TCEANC2: variants seen among roughly 807,000 people sequenced by gnomAD.
The protein encoded by TCEANC2 is transcription elongation factor A N-terminal and central domain-containing protein 2.
In TCEANC2, 20 loss-of-function variants were observed where a neutral mutation model predicts 22.8. The ratio of observed to expected loss-of-function variants is 0.88; its 90% confidence interval spans 0.62 to 1.28. TCEANC2 has a LOEUF of 1.28. TCEANC2 is among the 50% of genes most tolerant of loss of function. The probability of loss-of-function intolerance (pLI) is 0.00; values close to 1 mark genes in which losing one functional copy is unlikely to be tolerated. For synonymous variants in TCEANC2, 84 were observed against 95.5 expected (o/e 0.88, Z 0.70); for missense variants, 251 against 249.7 (o/e 1.01, Z -0.03).
At chr1:54,082,470 C>T (rs555890610) in intron 3 of TCEANC2, among the ~76,000 whole-genome samples, 1 of 152,300 alleles carries the variant, frequency 6.6e-6, no homozygotes, top group East Asian at 1.9e-4. Context: ...CTCTTCTGTG[C>T]TAGGCACTAT....
rs1658586950 is a variant in TCEANC2, at chr1:54,097,840, G to C, written c.*1367G>C. The C allele has an allele frequency of 6.6e-6, 1 of 152,194 alleles. No homozygotes were observed. The highest frequency in any genetic ancestry group is 2.4e-5 in the African/African-American group (1 of 41,436). The allele number at this position is 152,194 out of a possible 1,614,324, so 9.4% of individuals were successfully genotyped here. On this transcript the variant is annotated 3_prime_UTR_variant, in exon 5 of 5. Coordinates refer to ENST00000234827, the MANE Select transcript of TCEANC2 (RefSeq NM_153035.3). ...CATCACCTTCAATTTCCTACTGCTA[G>C]TAACTATTGGAGCTAGAATAATAAT... is the stretch of plus-strand genomic sequence containing the variant.
chr1:54,068,684 T>C, intron 2 of TCEANC2, 72 bp from the exon 3 acceptor site: 1 of 1,466,014 alleles, frequency 6.8e-7, no homozygotes, highest in Non-Finnish European at 9.1e-7. Flanking sequence ...AGGAGCCCCA[T>C]TAGCTCAGGT....
chr1:54,077,316 A>G (rs115832926), intron 3 of TCEANC2, among the ~76,000 whole-genome samples: 1 of 152,110 alleles, frequency 6.6e-6, no homozygotes, highest in Non-Finnish European at 1.5e-5. Context: ...CTCTTTTTAT[A>G]GCCAGATTCC....
At chr1:54,071,010 C>T (rs372583188) in intron 3 of TCEANC2, among the ~76,000 whole-genome samples, 9 of 152,074 alleles carry the variant, frequency 5.9e-5, no homozygotes, top group Non-Finnish European at 8.8e-5. Context: ...GGGCACATCA[C>T]GTGAGCTGTA....
intron 3 of TCEANC2, among the ~76,000 whole-genome samples, chr1:54,084,698 C>T (rs1051028691): frequency 6.6e-6 from 1 of 151,848 alleles, no homozygotes; most frequent in Non-Finnish European, 1.5e-5. Flanking sequence ...CCCGTCTCTA[C>T]TAAAAATACA....
chr1:54,071,469 G>A (rs1196003976), intron 3 of TCEANC2, among the ~76,000 whole-genome samples: 1 of 152,142 alleles, frequency 6.6e-6, no homozygotes, highest in African/African-American at 2.4e-5. Flanking sequence ...CCTCTCCTTG[G>A]AGCTGCTCAT....
downstream of TCEANC2, among the ~76,000 whole-genome samples, chr1:54,107,448 CT>C: frequency 6.6e-6 from 1 of 152,096 alleles, no homozygotes; most frequent in East Asian, 1.9e-4. Flanking sequence ...TCATTTTTCC[CT>C]TTCCATATTT....
chr1:54,074,157 A>T (rs1658104943), intron 3 of TCEANC2, among the ~76,000 whole-genome samples: 1 of 152,148 alleles, frequency 6.6e-6, no homozygotes, highest in Non-Finnish European at 1.5e-5. Context: ...AGAGCTGGGA[A>T]ATGGTGTGAT....
chr1:54,088,791 G>A lies in TCEANC2; in HGVS notation c.438+1G>A, dbSNP rs759898057. 7.0e-6 allele frequency: 11 copies of A among 1,571,460 alleles called. No individual in the cohort carries two copies. Among genetic ancestry groups the A allele is most frequent in the South Asian group, 4.7e-5 (4 of 85,030 alleles). ...ACTCTCAGAAGCCTTGGAATTAAAGGTAATGCCCTAAATATATACAACTGT... is the reference window on the plus strand; with the variant it reads ...ACTCTCAGAAGCCTTGGAATTAAAGATAATGCCCTAAATATATACAACTGT... On this transcript the variant is annotated splice_donor_variant, in intron 4 of 4. Coordinates refer to ENST00000234827, the MANE Select transcript of TCEANC2 (RefSeq NM_153035.3). LOFTEE classifies it high-confidence loss of function.
At chr1:54,066,009 G>T (rs911573563) in intron 2 of TCEANC2, among the ~76,000 whole-genome samples, 1 of 151,560 alleles carries the variant, frequency 6.6e-6, no homozygotes, top group Non-Finnish European at 1.5e-5. Context: ...TGGGGGAGAG[G>T]GGGGCGGAGG....
In TCEANC2 at chr1:54,096,692, C is replaced by T. The variant is rs1380787215; in HGVS notation, c.*219C>T. 5 of 1,228,478 alleles carry T rather than the reference C, an allele frequency of 4.1e-6. No individual in the cohort carries two copies. The highest frequency in any genetic ancestry group is 4.2e-6 in the Non-Finnish European group (4 of 961,072). 76.1% of individuals were successfully genotyped at this position (1,228,478 alleles called of 1,614,324 possible). On this transcript the variant is annotated 3_prime_UTR_variant, in exon 5 of 5. Transcript: ENST00000234827. This position sits in a 1 kb window ranked among gnomAD's most constrained non-coding sequence, Gnocchi z 4.9. ...AGTGCGCTGGTGCTGCCTAACAGAA[C>T]GCACACTGGCTGTCACTAGGAAGCG...
At chr1:54,107,665 G>A (rs182351380), downstream of TCEANC2, among the ~76,000 whole-genome samples, 238 of 152,040 alleles carry the variant, frequency 1.6e-3, 2 homozygotes, top group Non-Finnish European at 2.8e-3. Flanking sequence ...TATTTTATGC[G>A]TTGGGTTGTA....
At chr1:54,074,197 C>G (rs1658105798) in intron 3 of TCEANC2, among the ~76,000 whole-genome samples, 1 of 152,182 alleles carries the variant, frequency 6.6e-6, no homozygotes. Context: ...GGCGCAGTGG[C>G]TCAGGCCTGT....
chr1:54,099,809 A>C lies in TCEANC2; in HGVS notation c.*3336A>C. 1 of 151,932 alleles carries C rather than the reference A, an allele frequency of 6.6e-6. No homozygotes were observed. The highest frequency in any genetic ancestry group is 1.9e-4 in the East Asian group (1 of 5,170). The allele number at this position is 151,932 out of a possible 1,614,324, so 9.4% of individuals were successfully genotyped here. A position where few individuals can be genotyped will look rare whatever the true frequency, so the allele number is the denominator to read the frequency against. ...TGAAATGGGGTGAGAGTAGTTCCTG[A>C]GACCTCTGAGTTACCTGTAAGTCAA... On this transcript the variant is annotated 3_prime_UTR_variant, in exon 5 of 5. Coordinates refer to ENST00000234827, the MANE Select transcript of TCEANC2 (RefSeq NM_153035.3).
At chr1:54,076,994 A>G (rs1658155699) in intron 3 of TCEANC2, among the ~76,000 whole-genome samples, 1 of 103,268 alleles carries the variant, frequency 9.7e-6, no homozygotes, top group Non-Finnish European at 1.7e-5. Context: ...TTTGAGCAGA[A>G]ACTTGAAGGT....
At chr1:54,111,540 AACCTTCCC>A (rs1355903325) in exon 5 of TCEANC2, 1 of 152,142 alleles carries the variant, frequency 6.6e-6, no homozygotes, top group Non-Finnish European at 1.5e-5. Context: ...TCCTAAGTCC[AACCTTCCC>A]ACACCGGGCA....
chr1:54,065,916 A>G (rs1277945364), intron 2 of TCEANC2, among the ~76,000 whole-genome samples: 7 of 152,114 alleles, frequency 4.6e-5, no homozygotes, highest in Non-Finnish European at 8.8e-5. Flanking sequence ...TACAAAAAAT[A>G]CAAAAATTAG....
In TCEANC2 at chr1:54,057,396, G is replaced by C. The variant is rs1050552037; in HGVS notation, c.102+2872G>C. On this transcript the variant is annotated intron_variant, in intron 2 of 4. Coordinates refer to ENST00000234827, the MANE Select transcript of TCEANC2 (RefSeq NM_153035.3). ...TGTAGAGACAGGATTTCATCATGTTGTCCAGTCTGGTCTTGAACTTCTGGG... is the reference window on the plus strand; with the variant it reads ...TGTAGAGACAGGATTTCATCATGTTCTCCAGTCTGGTCTTGAACTTCTGGG... Among the ~76,000 whole-genome samples the C allele has an allele frequency of 3.2e-5, 3 of 94,658 alleles. No homozygotes were observed. In the Admixed American group the frequency reaches 5.0e-4, roughly 16 times the overall value. The allele number at this position is 94,658 out of a possible 152,430, so 62.1% of individuals were successfully genotyped here.
chr1:54,098,806 G>A lies in TCEANC2; in HGVS notation c.*2333G>A, dbSNP rs1658604203. ...TCTTAAAGGGCAGGAGTTTGGATAG[G>A]GGAATGTTAGTTAATAGAATGAAAA... On this transcript the variant is annotated 3_prime_UTR_variant, in exon 5 of 5. Coordinates refer to ENST00000234827, the MANE Select transcript of TCEANC2 (RefSeq NM_153035.3). 1 of 152,240 alleles carries A rather than the reference G, an allele frequency of 6.6e-6. No homozygotes were observed. The highest frequency in any genetic ancestry group is 1.5e-5 in the Non-Finnish European group (1 of 68,074). 9.4% of individuals were successfully genotyped at this position (152,240 alleles called of 1,614,324 possible). A position where few individuals can be genotyped will look rare whatever the true frequency, so the allele number is the denominator to read the frequency against.
Sources: gnomAD v4.1 joint callset for allele counts (sites outside exome capture counted in the v4.1 genomes callset) on GRCh38, gnomAD v4.1.1 for gene constraint, Gnocchi (gnomAD v3.1) non-coding constraint, MANE v1.5 for transcripts, NCBI Gene and HGNC (gene_info 2026-07-23, HGNC 2026-07-21) for gene names.